Variants in FAM135B observed in about 807,000 individuals in gnomAD.
FAM135B encodes family with sequence similarity 135 member B.
A neutral mutation model predicts 127.7 loss-of-function variants in FAM135B; 43 were observed. That is an observed-to-expected ratio of 0.34 (90% CI 0.26 to 0.43). FAM135B has a LOEUF of 0.43. Among genes scored for constraint, FAM135B ranks in the 20% least tolerant of loss-of-function variants. The pLI is 1.00. For missense variants in FAM135B, 1,558 were observed against 1,725.6 expected (o/e 0.90, Z 1.72); for synonymous variants, 670 against 665.1 (o/e 1.01, Z -0.11).
At chr8:138,447,929 C>A (rs11166823) in intron 1 of FAM135B, among the ~76,000 whole-genome samples, 1 of 151,406 alleles carries the variant, frequency 6.6e-6, no homozygotes, top group Non-Finnish European at 1.5e-5. Context: ...CTGTATCATA[C>A]GTGACCATAC....
At position 138,152,936 on chromosome 8, in the gene FAM135B, C is replaced by T; in HGVS notation, c.1539G>A (p.Val513=). 2 of 1,614,200 alleles carry T rather than the reference C, an allele frequency of 1.2e-6. No homozygotes were observed. Among genetic ancestry groups the T allele is most frequent in the Non-Finnish European group, 1.7e-6 (2 of 1,180,040 alleles). The change falls in exon 13 of 20, where the codon GTG becomes GTA. Residue 513 remains valine (V), a synonymous_variant. Coordinates refer to ENST00000395297, the MANE Select transcript of FAM135B (RefSeq NM_015912.4). ...SIGEFQNKAG[V]PEDECWTGQT... is the part of the protein sequence containing the mutation. ...GGCCAGTCCAACATTCATCTTCAGG[C>T]ACACCTGCTTTGTTTTGAAATTCAC...
intron 3 of FAM135B, among the ~76,000 whole-genome samples, chr8:138,298,753 G>C (rs1370481376): frequency 1.3e-5 from 2 of 152,122 alleles, no homozygotes; most frequent in Non-Finnish European, 2.9e-5. Context: ...TTTTGACTAT[G>C]AGTATTAACT....
rs73423942 is a variant in FAM135B, at chr8:138,183,509, A to C, written c.874-4819T>G. On this transcript the variant is annotated intron_variant, in intron 9 of 19. Transcript: ENST00000395297. ...AGGTCTGCTCAACTCGCTTCAATAT[A>C]TATTTGCAGACGACAGGAGGAATCT... is the stretch of plus-strand genomic sequence containing the variant. Among the ~76,000 whole-genome samples the C allele has an allele frequency of 8.5e-3, 1,298 of 152,298 alleles. 14 individuals carry two copies. The highest frequency in any genetic ancestry group is 0.03 in the African/African-American group (1,234 of 41,558).
chr8:138,266,023 C>T (rs1333260411), intron 3 of FAM135B, among the ~76,000 whole-genome samples, 181 bp from the exon 4 acceptor site: 3 of 152,168 alleles, frequency 2.0e-5, no homozygotes, highest in African/African-American at 7.2e-5. Context: ...TTGAGTCAGG[C>T]TGGTATCTCA....
intron 6 of FAM135B, among the ~76,000 whole-genome samples, chr8:138,249,980 C>T (rs564898543): frequency 5.3e-5 from 8 of 152,326 alleles, no homozygotes; most frequent in African/African-American, 1.9e-4. Context: ...TGTCCCTCTA[C>T]TTGGGGCATT....
intron 2 of FAM135B, among the ~76,000 whole-genome samples, chr8:138,315,849 G>A (rs6577914): frequency 0.94 from 143,710 of 152,206 alleles, 68,086 homozygotes; most frequent in Non-Finnish European, 0.98. Context: ...GATAGTTACC[G>A]GGAACGGAGA....
At chr8:138,245,360 A>G (rs183848892) in intron 6 of FAM135B, among the ~76,000 whole-genome samples, 6 of 152,282 alleles carry the variant, frequency 3.9e-5, no homozygotes, top group Admixed American at 3.9e-4. Context: ...TAGTTTTTGT[A>G]ATACCCACAT....
chr8:138,157,246 G>A (rs567343254), intron 12 of FAM135B, among the ~76,000 whole-genome samples: 70 of 152,134 alleles, frequency 4.6e-4, no homozygotes, highest in East Asian at 3.9e-3. Flanking sequence ...AAATTCAACA[G>A]CACTTCATGC....
chr8:138,283,691 T>C (rs1216992498), intron 3 of FAM135B, among the ~76,000 whole-genome samples: 2 of 152,074 alleles, frequency 1.3e-5, no homozygotes, highest in African/African-American at 4.8e-5. Flanking sequence ...CTTAGTCGAA[T>C]ACGAAAGGCA....
chr8:138,335,021 T>G (rs899994952), intron 2 of FAM135B, among the ~76,000 whole-genome samples: 1 of 152,232 alleles, frequency 6.6e-6, no homozygotes, highest in Non-Finnish European at 1.5e-5. Flanking sequence ...TTTCTAAAAC[T>G]TTGGTAATGA....
chr8:138,322,528 C>T (rs367979907), intron 2 of FAM135B, among the ~76,000 whole-genome samples: 26 of 152,278 alleles, frequency 1.7e-4, no homozygotes, highest in African/African-American at 6.0e-4. Flanking sequence ...AGTGGGACAC[C>T]ATGACAGAAT....
chr8:138,224,555 G>C (rs541442260), intron 7 of FAM135B, among the ~76,000 whole-genome samples: 1 of 152,104 alleles, frequency 6.6e-6, no homozygotes, highest in African/African-American at 2.4e-5. Flanking sequence ...TGTGACTAAA[G>C]GTTCCACATC....
intron 1 of FAM135B, among the ~76,000 whole-genome samples, chr8:138,450,111 T>G (rs1836409124): frequency 6.6e-6 from 1 of 152,240 alleles, no homozygotes; most frequent in Non-Finnish European, 1.5e-5. Flanking sequence ...GCTATGCCTT[T>G]TCAGGCTAGT....
At chr8:138,256,281 T>C (rs1471602231) in intron 5 of FAM135B, among the ~76,000 whole-genome samples, 2 of 152,166 alleles carry the variant, frequency 1.3e-5, no homozygotes, top group Non-Finnish European at 2.9e-5. Context: ...TGAAACATAA[T>C]AGCAGATATG....
chr8:138,377,035 T>C (rs543746859), intron 1 of FAM135B, among the ~76,000 whole-genome samples: 44 of 152,334 alleles, frequency 2.9e-4, no homozygotes, highest in African/African-American at 1.0e-3. Flanking sequence ...GATAAAATAT[T>C]AAAACTGTTT....
At chr8:138,325,461 C>G (rs923907270) in intron 2 of FAM135B, among the ~76,000 whole-genome samples, 2 of 152,066 alleles carry the variant, frequency 1.3e-5, no homozygotes, top group Non-Finnish European at 2.9e-5. Context: ...TTCTGTTAAC[C>G]AAAGGAAATC....
intron 3 of FAM135B, among the ~76,000 whole-genome samples, chr8:138,272,629 A>G (rs1256266475): frequency 6.6e-6 from 1 of 152,248 alleles, no homozygotes; most frequent in East Asian, 1.9e-4. Context: ...TAAGCCCAGT[A>G]AGGCCAGCAC....
At chr8:138,320,271 T>C (rs1190836933) in intron 2 of FAM135B, among the ~76,000 whole-genome samples, 1 of 152,216 alleles carries the variant, frequency 6.6e-6, no homozygotes, top group Non-Finnish European at 1.5e-5. Context: ...GGAATAAATA[T>C]CCTCACGTTA....
intron 1 of FAM135B, among the ~76,000 whole-genome samples, chr8:138,398,245 C>T (rs1193227699): frequency 6.6e-6 from 1 of 152,130 alleles, no homozygotes; most frequent in Non-Finnish European, 1.5e-5. Flanking sequence ...GGTGCTTGAC[C>T]CCCAGAGGGG....
Sources: allele counts gnomAD v4.1 joint callset (sites outside exome capture counted in the v4.1 genomes callset), GRCh38; gene constraint gnomAD v4.1.1; transcripts MANE v1.5; gene names NCBI Gene and HGNC (gene_info 2026-07-23, HGNC 2026-07-21).